ZC3H12B: variants seen among roughly 807,000 people sequenced by gnomAD.
The protein encoded by ZC3H12B is zinc finger CCCH-type containing 12B.
Under a neutral mutation model 43.9 loss-of-function variants are expected in ZC3H12B, and 7 were observed. The ratio of observed to expected loss-of-function variants is 0.16; its 90% CI spans 0.09 to 0.30. The LOEUF is 0.30. Ranked by LOEUF, ZC3H12B falls within the 10% of genes least tolerant of loss-of-function variation. ZC3H12B has a pLI of 1.00. For missense variants in ZC3H12B, 475 were observed against 670.2 expected, an observed-to-expected ratio of 0.71 and a Z score of 3.22; for synonymous variants, 222 against 241.7, an observed-to-expected ratio of 0.92 and a Z score of 0.76.
exon 5 of ZC3H12B, chrX:65,502,452 G>T: frequency 8.3e-7 from 1 of 1,210,883 alleles, no homozygotes; most frequent in Non-Finnish European, 1.1e-6. Context: ...TGTTCTGACA[G>T]CCGTGTGAGC....
chrX:65,047,230 G>A, the ZC3H12B span, among the ~76,000 whole-genome samples: 39 of 111,167 alleles, frequency 3.5e-4, no homozygotes, highest in Non-Finnish European at 3.4e-4. Context: ...TCTGCAAATC[G>A]TGATAAAATG....
chrX:65,349,756 A>G, the ZC3H12B span, among the ~76,000 whole-genome samples: 4 of 112,338 alleles, frequency 3.6e-5, no homozygotes, highest in African/African-American at 1.3e-4. Flanking sequence ...AAAATCTAGA[A>G]GAAATGGAAA....
the ZC3H12B span, among the ~76,000 whole-genome samples, chrX:65,244,245 T>A: frequency 2.7e-5 from 3 of 111,031 alleles, no homozygotes; most frequent in Non-Finnish European, 5.7e-5. Flanking sequence ...CCAAAATATT[T>A]ATGGCTATTA....
the ZC3H12B span, among the ~76,000 whole-genome samples, chrX:65,162,041 G>A: frequency 9.0e-6 from 1 of 111,252 alleles, no homozygotes; most frequent in African/African-American, 3.3e-5. Flanking sequence ...AGTTTGGCTG[G>A]ATATGAAATT....
the ZC3H12B span, among the ~76,000 whole-genome samples, chrX:65,184,229 A>C: frequency 9.0e-6 from 1 of 111,651 alleles, no homozygotes; most frequent in African/African-American, 3.2e-5. Context: ...TTGATAGCAG[A>C]GACCATGTCT....
At chrX:65,173,478 G>A in the ZC3H12B span, among the ~76,000 whole-genome samples, 2 of 111,835 alleles carry the variant, frequency 1.8e-5, no homozygotes, top group Non-Finnish European at 3.8e-5. Context: ...AGTGGTTAGA[G>A]AGGGCGTCCT....
chrX:65,175,598 G>A, the ZC3H12B span, among the ~76,000 whole-genome samples: 8 of 111,894 alleles, frequency 7.1e-5, no homozygotes, highest in South Asian at 3.0e-3. Context: ...CAAGATGGCC[G>A]AATAGGAACA....
chrX:65,430,435 C>T (rs1352703320), intron 3 of ZC3H12B, among the ~76,000 whole-genome samples: 2 of 106,024 alleles, frequency 1.9e-5, no homozygotes, highest in African/African-American at 6.9e-5. Flanking sequence ...TGTTGGTGTG[C>T]TGCACCCGTT....
At chrX:65,481,704 C>T (rs1489356917) in intron 3 of ZC3H12B, among the ~76,000 whole-genome samples, 1 of 111,964 alleles carries the variant, frequency 8.9e-6, no homozygotes, top group Non-Finnish European at 1.9e-5. Context: ...AACTGTGTTT[C>T]TTATGTACTT....
At chrX:65,471,150 A>G (rs1273457173) in intron 3 of ZC3H12B, among the ~76,000 whole-genome samples, 1 of 111,473 alleles carries the variant, frequency 9.0e-6, no homozygotes, top group Non-Finnish European at 1.9e-5. Flanking sequence ...CACTATTATT[A>G]TGTTGCTTTC....
At chrX:65,389,643 C>A (rs888026577) in intron 2 of ZC3H12B, among the ~76,000 whole-genome samples, 1 of 112,663 alleles carries the variant, frequency 8.9e-6, no homozygotes, top group African/African-American at 3.2e-5. Flanking sequence ...CACAGTCCTG[C>A]ACCCACTTTC....
chrX:65,412,790 A>C (rs969869531), intron 3 of ZC3H12B, among the ~76,000 whole-genome samples: 6 of 111,283 alleles, frequency 5.4e-5, no homozygotes, highest in Non-Finnish European at 1.1e-4. Flanking sequence ...CTTTTCTATT[A>C]TATACCTAGC....
chrX:65,279,021 C>T, the ZC3H12B span, among the ~76,000 whole-genome samples: 1 of 89,001 alleles, frequency 1.1e-5, no homozygotes, highest in Non-Finnish European at 1.9e-5. Context: ...GTGTGTATTA[C>T]ATTTTTTTAA....
the ZC3H12B span, among the ~76,000 whole-genome samples, chrX:65,041,990 A>G: frequency 8.9e-5 from 10 of 111,906 alleles, no homozygotes; most frequent in East Asian, 1.4e-3. Flanking sequence ...ATAGAGCACA[A>G]CTACACCTAA....
At chrX:65,350,158 C>T in the ZC3H12B span, among the ~76,000 whole-genome samples, 217 of 101,849 alleles carry the variant, frequency 2.1e-3, no homozygotes, top group African/African-American at 9.6e-3. Flanking sequence ...GCTTATCCAA[C>T]GCCATCAAGT....
the ZC3H12B span, among the ~76,000 whole-genome samples, chrX:65,097,146 T>C: frequency 8.9e-6 from 1 of 112,111 alleles, no homozygotes; most frequent in African/African-American, 3.2e-5. Flanking sequence ...CATGAATTCA[T>C]TAATCCTATC....
At chrX:65,300,681 G>A in the ZC3H12B span, among the ~76,000 whole-genome samples, 9 of 111,017 alleles carry the variant, frequency 8.1e-5, no homozygotes, top group African/African-American at 2.6e-4. Context: ...GGGCAAGCTT[G>A]TATCCTCCCT....
At chrX:65,175,394 T>G in the ZC3H12B span, among the ~76,000 whole-genome samples, 1 of 112,279 alleles carries the variant, frequency 8.9e-6, no homozygotes, top group Non-Finnish European at 1.9e-5. Context: ...CCCCATGTCA[T>G]GAAATTTATT....
intron 3 of ZC3H12B, among the ~76,000 whole-genome samples, chrX:65,446,777 A>G (rs2067383145): frequency 8.9e-6 from 1 of 111,881 alleles, no homozygotes; most frequent in Non-Finnish European, 1.9e-5. Flanking sequence ...TATCCTCTTT[A>G]GTGCCCCTTT....
Sources: gnomAD v4.1 joint callset for allele counts (sites outside exome capture counted in the v4.1 genomes callset) on GRCh38, gnomAD v4.1.1 for gene constraint, MANE v1.5 for transcripts, NCBI Gene and HGNC (gene_info 2026-07-23, HGNC 2026-07-21) for gene names.